Variants in KDM4C observed in about 807,000 individuals in gnomAD.
KDM4C encodes lysine-specific demethylase 4C.
KDM4C carries 81 observed loss-of-function variants against 129.3 expected under a neutral mutation model. That is an observed-to-expected ratio of 0.63 (90% CI 0.52 to 0.75). The LOEUF (loss-of-function observed/expected upper bound fraction) is 0.75, where lower values mean the gene tolerates loss of function less well. Among genes scored for constraint, KDM4C ranks in the 30% least tolerant of loss-of-function variants. KDM4C has a pLI of 0.00. For synonymous variants in KDM4C, 573 were observed against 456.1 expected (o/e 1.26, Z -3.26); for missense variants, 1,457 against 1,304.0 (o/e 1.12, Z -1.81).
chr9:7,019,769 T>TATTTTTATATATAAAAATATAAC (rs1824427978), intron 15 of KDM4C, among the ~76,000 whole-genome samples: 1 of 144,122 alleles, frequency 6.9e-6, no homozygotes. Flanking sequence ...AAAAATATAA[T>TATTTTTATATATAAAAATATAAC]ATTTTTATAT....
chr9:7,073,730 A>C (rs900082246), intron 17 of KDM4C, among the ~76,000 whole-genome samples: 2 of 152,140 alleles, frequency 1.3e-5, no homozygotes, highest in African/African-American at 4.8e-5. Flanking sequence ...AATATTCTTA[A>C]ATTAAGTTTG....
intron 1 of KDM4C, among the ~76,000 whole-genome samples, chr9:6,737,943 G>A (rs541428700): frequency 9.0e-4 from 133 of 147,364 alleles, no homozygotes; most frequent in Non-Finnish European, 1.6e-3. Context: ...TCGGAGCCTG[G>A]CTAACGTGGC....
At position 7,073,672 on chromosome 9, in the gene KDM4C, T is replaced by C. The variant is rs193116288; in HGVS notation, c.2424+24472T>C. Among the ~76,000 whole-genome samples the C allele has an allele frequency of 3.8e-4, 58 of 152,370 alleles. No homozygotes were observed. In the Middle Eastern group the frequency reaches 0.017, roughly 45 times the overall value. On this transcript the variant is annotated intron_variant, in intron 17 of 21. Coordinates refer to ENST00000381309, the MANE Select transcript of KDM4C (RefSeq NM_015061.6). ...GTGTGCAGTGTGATAAAACTATATC[T>C]GCATTATTTCAGCCCTTGGGAGATA...
At chr9:7,142,559 C>T (rs905121416) in intron 19 of KDM4C, among the ~76,000 whole-genome samples, 1 of 152,166 alleles carries the variant, frequency 6.6e-6, no homozygotes, top group Non-Finnish European at 1.5e-5. Flanking sequence ...CTTACCGAGT[C>T]TTGAACATCT....
intron 4 of KDM4C, among the ~76,000 whole-genome samples, chr9:6,823,229 C>T (rs993678760): frequency 2.0e-5 from 3 of 152,168 alleles, no homozygotes; most frequent in Non-Finnish European, 4.4e-5. Flanking sequence ...TATTCTCCAT[C>T]GTGCTGGCTT....
At chr9:7,040,238 T>C (rs1288312025) in intron 15 of KDM4C, among the ~76,000 whole-genome samples, 1 of 152,038 alleles carries the variant, frequency 6.6e-6, no homozygotes, top group South Asian at 2.1e-4. Context: ...CACAGTGTTA[T>C]TATTTTTGTT....
intron 1 of KDM4C, among the ~76,000 whole-genome samples, chr9:6,743,095 T>C (rs1817755060): frequency 6.6e-6 from 1 of 152,148 alleles, no homozygotes; most frequent in Admixed American, 6.6e-5. Flanking sequence ...AGAGACATCC[T>C]TGTAGAAAAA....
chr9:6,760,737 A>AT (rs1006204431), intron 1 of KDM4C, among the ~76,000 whole-genome samples: 23 of 148,226 alleles, frequency 1.6e-4, no homozygotes, highest in East Asian at 5.9e-4. Context: ...TGCCTGGCTA[A>AT]TTTTTTTTTT....
At chr9:6,884,126 C>T (rs1844893165) in intron 6 of KDM4C, among the ~76,000 whole-genome samples, 1 of 152,134 alleles carries the variant, frequency 6.6e-6, no homozygotes, top group Non-Finnish European at 1.5e-5. Context: ...TCCTGGCACT[C>T]CTCCTGGAGC....
intron 8 of KDM4C, chr9:6,978,943 A>T (rs978659986): frequency 7.1e-6 from 1 of 140,690 alleles, no homozygotes; most frequent in Non-Finnish European, 1.6e-5. Flanking sequence ...AATAAGGTCA[A>T]AGGTTTTTTT....
At chr9:7,144,124 GT>G (rs1291576029) in intron 19 of KDM4C, among the ~76,000 whole-genome samples, 1 of 146,592 alleles carries the variant, frequency 6.8e-6, no homozygotes, top group African/African-American at 2.5e-5. Context: ...TTTTGTTTTT[GT>G]TTTTTTTGTG....
chr9:6,864,242 C>T (rs529966685), intron 5 of KDM4C, among the ~76,000 whole-genome samples: 1 of 151,220 alleles, frequency 6.6e-6, no homozygotes, highest in African/African-American at 2.5e-5. Flanking sequence ...TTTATCACTC[C>T]TTTATGTTTG....
In KDM4C at chr9:6,993,895, C is replaced by G. The variant is rs1041566693; in HGVS notation, c.1786+3371C>G. 1.7e-4 allele frequency among the ~76,000 whole-genome samples: 26 copies of G among 152,202 alleles called. 1 individual carries two copies. Among genetic ancestry groups the G allele is most frequent in the Admixed American group, 6.5e-5 (1 of 15,284 alleles). On this transcript the variant is annotated intron_variant, in intron 12 of 21. Transcript: ENST00000381309. ...CTTTGAAACCAGTTGTCATTCAATG[C>G]TGCCTGCTCTCTCTAGCTTCATTTC...
chr9:7,020,548 C>T (rs1044881343), intron 15 of KDM4C, among the ~76,000 whole-genome samples: 20 of 152,142 alleles, frequency 1.3e-4, no homozygotes, highest in Non-Finnish European at 1.9e-4. Flanking sequence ...TTTTAGAGCA[C>T]GTTCCAAACA....
intron 19 of KDM4C, among the ~76,000 whole-genome samples, chr9:7,154,449 G>A (rs116691323): frequency 2.0e-5 from 3 of 152,208 alleles, no homozygotes; most frequent in Admixed American, 6.5e-5. Context: ...GTTTATACAC[G>A]TAAGGAGTAG....
At chr9:6,933,711 G>A (rs1437733625) in intron 8 of KDM4C, among the ~76,000 whole-genome samples, 3 of 152,140 alleles carry the variant, frequency 2.0e-5, no homozygotes, top group African/African-American at 7.2e-5. Context: ...CACAAATGGA[G>A]TAAGTATTTT....
chr9:7,112,748 T>C (rs2133228181), intron 18 of KDM4C, among the ~76,000 whole-genome samples: 1 of 152,330 alleles, frequency 6.6e-6, no homozygotes, highest in East Asian at 1.9e-4. Context: ...GGCTTGATAC[T>C]GTCTTCCTTT....
intron 1 of KDM4C, among the ~76,000 whole-genome samples, chr9:6,730,655 C>T (rs1188183835): frequency 6.6e-6 from 1 of 151,632 alleles, no homozygotes; most frequent in African/African-American, 2.4e-5. Context: ...TTTAATTGAG[C>T]AATGAATGAT....
At chr9:7,087,083 G>A (rs990058703) in intron 17 of KDM4C, among the ~76,000 whole-genome samples, 6 of 111,608 alleles carry the variant, frequency 5.4e-5, no homozygotes, top group South Asian at 6.3e-4. Context: ...TGCAACTTAC[G>A]TGGCTCTTTT....
Sources: gnomAD v4.1 joint callset for allele counts (sites outside exome capture counted in the v4.1 genomes callset) on GRCh38, gnomAD v4.1.1 for gene constraint, MANE v1.5 for transcripts, NCBI Gene and HGNC (gene_info 2026-07-23, HGNC 2026-07-21) for gene names.